The following DGKE variants were observed in gnomAD, a reference collection of about 807,000 sequenced individuals.
The protein encoded by DGKE is DAG kinase epsilon.
A neutral mutation model predicts 70.0 loss-of-function variants in DGKE; 53 were observed. The observed-to-expected ratio is 0.76, with a 90% CI of 0.61 to 0.95. The LOEUF is 0.95. DGKE is among the 40% of genes least tolerant of loss of function. The pLI, the probability that DGKE is intolerant of heterozygous loss-of-function variation, is 0.00. For missense variants in DGKE, 655 were observed against 706.9 expected (o/e 0.93, Z 0.83); for synonymous variants, 291 against 257.0 (o/e 1.13, Z -1.27).
At position 56,834,833 on chromosome 17, in the gene DGKE, C is replaced by G. The variant is rs914721678; in HGVS notation, c.38C>G (p.Ser13Cys). The G allele has an allele frequency of 6.2e-7, 1 of 1,609,740 alleles. No homozygotes were observed. The highest frequency in any genetic ancestry group is 1.1e-5 in the South Asian group (1 of 90,852). Residue 13 changes from serine to cysteine, a missense_variant, in exon 2 of 12, where the codon TCC becomes TGC. Transcript: ENST00000284061. ...AERRPAPGSP[S>C]EGLFADGHLI... ...AGGCGGCCGGCGCCGGGCTCGCCCTCCGAGGGCCTGTTTGCGGACGGGCAC... is the reference window on the plus strand; with the variant it reads ...AGGCGGCCGGCGCCGGGCTCGCCCTGCGAGGGCCTGTTTGCGGACGGGCAC...
At chr17:56,855,228 T>C (rs769985742) in intron 7 of DGKE, among the ~76,000 whole-genome samples, 5 of 152,008 alleles carry the variant, frequency 3.3e-5, no homozygotes, top group Non-Finnish European at 7.4e-5. Flanking sequence ...TTGAAAATTA[T>C]ATTTTGGCAG....
rs916896390 is a variant in DGKE, at chr17:56,867,879, T to A, written c.*5088T>A. The stretch of plus-strand genomic sequence containing the variant: ...GCGAGCCGAGATAGTGCCACTGCAG[T>A]GGGGCCTGGGCCAAAGAGTGAGACT... On this transcript the variant is annotated 3_prime_UTR_variant, in exon 12 of 12. Transcript: ENST00000284061. The A allele has an allele frequency of 7.0e-6, 1 of 142,566 alleles. No individual in the cohort carries two copies. The highest frequency in any genetic ancestry group is 2.2e-4 in the South Asian group (1 of 4,524). 8.8% of individuals were successfully genotyped at this position (142,566 alleles called of 1,614,324 possible). A position where few individuals can be genotyped will look rare whatever the true frequency, so the allele number is the denominator to read the frequency against.
intron 3 of DGKE, among the ~76,000 whole-genome samples, chr17:56,844,985 A>G (rs1361122363): frequency 1.3e-5 from 2 of 152,168 alleles, no homozygotes; most frequent in Non-Finnish European, 2.9e-5. Flanking sequence ...GGGAAGGGAC[A>G]TTTTAAATTT....
intron 9 of DGKE, among the ~76,000 whole-genome samples, chr17:56,860,507 T>TG (rs1297131323): frequency 1.3e-5 from 2 of 152,206 alleles, no homozygotes; most frequent in Non-Finnish European, 2.9e-5. Flanking sequence ...CCAGTCTGGG[T>TG]GACAGATTGA....
chr17:56,844,304 T>A (rs1907162721), intron 3 of DGKE, 126 bp downstream of exon 3: 2 of 609,660 alleles, frequency 3.3e-6, no homozygotes, highest in Non-Finnish European at 5.0e-6. Flanking sequence ...AAATAACAGA[T>A]CAAGACCAAG....
chr17:56,861,847 G>T lies in DGKE; in HGVS notation c.1341G>T (p.Leu447=). ...ALPSLEGIIV[L]NIGYWGGGCR... Reference sequence around the variant, plus strand: ...CCAGCTTGGAAGGTATTATAGTTCTGAACATCGGATACTGGGGCGGTGGCT... The same window carrying T: ...CCAGCTTGGAAGGTATTATAGTTCTTAACATCGGATACTGGGGCGGTGGCT... Residue 447 remains leucine, a synonymous_variant, in exon 10 of 12, where the codon CTG becomes CTT. Transcript: ENST00000284061. 1 of 1,613,852 alleles carries T rather than the reference G, an allele frequency of 6.2e-7. No individual in the cohort carries two copies. Among genetic ancestry groups the T allele is most frequent in the South Asian group, 1.1e-5 (1 of 91,034 alleles).
intron 7 of DGKE, among the ~76,000 whole-genome samples, chr17:56,852,406 C>CT (rs2144257988): frequency 1.0e-5 from 1 of 98,574 alleles, no homozygotes; most frequent in African/African-American, 3.4e-5. Flanking sequence ...GAGCAAGACT[C>CT]TGTCTCAAAA....
intron 2 of DGKE, among the ~76,000 whole-genome samples, chr17:56,841,214 G>A (rs1906958728): frequency 6.9e-6 from 1 of 144,220 alleles, no homozygotes; most frequent in Admixed American, 7.2e-5. Context: ...TTGCACCACT[G>A]CACTCCAAGC....
chr17:56,852,258 C>T (rs2042257789), intron 7 of DGKE, among the ~76,000 whole-genome samples: 3 of 151,558 alleles, frequency 2.0e-5, no homozygotes, highest in Admixed American at 2.0e-4. Flanking sequence ...AATAAAAATA[C>T]AAAAATTAGC....
At position 56,834,712 on chromosome 17, in the gene DGKE, A is replaced by G. The variant is rs532790362; in HGVS notation, c.-18-66A>G. 3.7e-4 allele frequency: 530 copies of G among 1,444,246 alleles called. 1 individual carries two copies. Among genetic ancestry groups the G allele is most frequent in the Non-Finnish European group, 4.3e-4 (464 of 1,077,268 alleles). 89.5% of individuals were successfully genotyped at this position (1,444,246 alleles called of 1,614,324 possible). A position where few individuals can be genotyped will look rare whatever the true frequency, so the allele number is the denominator to read the frequency against. ...GAGGGCGCCCGGTTTGGCCCCGGAA[A>G]GGCAGGAAGGGGGCGGGGAAGGGAT... On this transcript the variant is annotated intron_variant, in intron 1 of 11. Transcript: ENST00000284061.
At position 56,834,950 on chromosome 17, in the gene DGKE, G is replaced by A. The variant is rs1350263987; in HGVS notation, c.155G>A (p.Arg52Lys). 1 of 1,613,292 alleles carries A rather than the reference G, an allele frequency of 6.2e-7. No individual in the cohort carries two copies. Among genetic ancestry groups the A allele is most frequent in the Non-Finnish European group, 8.5e-7 (1 of 1,179,980 alleles). The change falls in exon 2 of 12, where the codon AGG (arginine) becomes AAG (lysine). Residue 52 changes from arginine to lysine, a missense_variant. Coordinates refer to ENST00000284061, the MANE Select transcript of DGKE (RefSeq NM_003647.3). Reference sequence around the variant, plus strand: ...CGGTCGCGCCGGCAGCTGCACCGCAGGGACATCTTCCGCAAGAGCAAGCAC... The same window carrying A: ...CGGTCGCGCCGGCAGCTGCACCGCAAGGACATCTTCCGCAAGAGCAAGCAC... ...LQRSRRQLHR[R>K]DIFRKSKHGW...
chr17:56,846,232 A>G (rs1907279615), intron 4 of DGKE: 1 of 153,048 alleles, frequency 6.5e-6, no homozygotes, highest in African/African-American at 2.4e-5. Context: ...ATACCATGAA[A>G]TGACAAAAAG....
intron 2 of DGKE, among the ~76,000 whole-genome samples, chr17:56,837,372 C>T (rs1906695749): frequency 6.6e-6 from 1 of 152,164 alleles, no homozygotes; most frequent in African/African-American, 2.4e-5. Flanking sequence ...GCACCTCCGT[C>T]TCTTAATTTT....
intron 2 of DGKE, among the ~76,000 whole-genome samples, chr17:56,843,602 A>G (rs1347030748): frequency 1.3e-5 from 2 of 152,090 alleles, no homozygotes; most frequent in Non-Finnish European, 2.9e-5. Context: ...GGTCAAGACC[A>G]GCCTGGTCAA....
At chr17:56,847,154 A>C (rs1271326898) in intron 4 of DGKE, among the ~76,000 whole-genome samples, 1 of 152,070 alleles carries the variant, frequency 6.6e-6, no homozygotes, top group Non-Finnish European at 1.5e-5. Flanking sequence ...AATCAAAGTT[A>C]CTTGCATTTT....
At chr17:56,862,313 G>A (rs1257842964) in intron 11 of DGKE, 62 bp downstream of exon 11, 1 of 1,440,324 alleles carries the variant, frequency 6.9e-7, no homozygotes, top group East Asian at 2.3e-5. Context: ...CTGTTGATAT[G>A]TAAAATATAC....
At chr17:56,852,188 G>T (rs1021587122) in intron 7 of DGKE, among the ~76,000 whole-genome samples, 2 of 152,176 alleles carry the variant, frequency 1.3e-5, no homozygotes, top group African/African-American at 4.8e-5. Flanking sequence ...TGAGGCAGGT[G>T]GATCACCTGA....
chr17:56,840,715 T>A (rs1249771046), intron 2 of DGKE, among the ~76,000 whole-genome samples: 1 of 152,140 alleles, frequency 6.6e-6, no homozygotes, highest in Admixed American at 6.5e-5. Context: ...TTCCATGAGA[T>A]TCTGAATGGA....
At chr17:56,849,849 T>C (rs539287468) in intron 7 of DGKE, among the ~76,000 whole-genome samples, 2 of 152,296 alleles carry the variant, frequency 1.3e-5, no homozygotes, top group Admixed American at 1.3e-4. Context: ...CTAAAAGTTT[T>C]CGTAGTGTTA....
Sources: allele counts gnomAD v4.1 joint callset (sites outside exome capture counted in the v4.1 genomes callset), GRCh38; gene constraint gnomAD v4.1.1; transcripts MANE v1.5; gene names NCBI Gene and HGNC (gene_info 2026-07-23, HGNC 2026-07-21).